The following DNMT3A variants were observed in gnomAD, a reference collection of about 807,000 sequenced individuals.
The protein encoded by DNMT3A is DNA methyltransferase 3 alpha.
A neutral mutation model predicts 117.6 loss-of-function variants in DNMT3A; 267 were observed. That is an observed-to-expected ratio of 2.27 (90% CI 2.05 to 2.51). DNMT3A has a LOEUF of 2.51. Ranked by LOEUF, DNMT3A falls within the 30% of genes most tolerant of loss-of-function variation. The pLI is 0.00. For missense variants in DNMT3A, 1,029 were observed against 1,260.2 expected (o/e 0.82, Z 2.78); for synonymous variants, 432 against 474.8 (o/e 0.91, Z 1.17).
chr2:25,307,000 C>T lies in DNMT3A; in HGVS notation c.73-6757G>A, dbSNP rs2033812504. On this transcript the variant is annotated intron_variant, in intron 2 of 22. Transcript: ENST00000321117. The surrounding 1 kb of genome is among the most constrained non-coding windows in gnomAD (Gnocchi z 4.1). ...AGAGGGGAAGATCCAGATAAAACTA[C>T]TTTGTAGCCGTGTGGCCTCTCTAAG... Among the ~76,000 whole-genome samples, 1 of 137,522 alleles carries T rather than the reference C, an allele frequency of 7.3e-6. No individual in the cohort carries two copies. Among genetic ancestry groups the T allele is most frequent in the Non-Finnish European group, 1.6e-5 (1 of 61,808 alleles). The allele number at this position is 137,522 out of a possible 152,430, so 90.2% of individuals were successfully genotyped here. A position where few individuals can be genotyped will look rare whatever the true frequency, so the allele number is the denominator to read the frequency against.
At chr2:25,243,176 G>A (rs1674286417) in intron 16 of DNMT3A, among the ~76,000 whole-genome samples, 1 of 151,948 alleles carries the variant, frequency 6.6e-6, no homozygotes, top group Non-Finnish European at 1.5e-5. Flanking sequence ...GTGGTGGTGG[G>A]TGCCTGCAGT....
At chr2:25,265,277 C>T (rs774364953) in intron 6 of DNMT3A, among the ~76,000 whole-genome samples, 1 of 152,194 alleles carries the variant, frequency 6.6e-6, no homozygotes, top group Admixed American at 6.5e-5. Context: ...GAAGAGCATG[C>T]GGCAGGCTGG....
chr2:25,324,765 A>G (rs548136695), intron 1 of DNMT3A, among the ~76,000 whole-genome samples: 1 of 152,166 alleles, frequency 6.6e-6, no homozygotes, highest in Admixed American at 6.5e-5. Flanking sequence ...GAGGAGGGAG[A>G]GGGAGGGGGG....
At chr2:25,245,397 GC>G in intron 12 of DNMT3A, 65 bp from the exon 13 acceptor site, 1 of 1,449,714 alleles carries the variant, frequency 6.9e-7, no homozygotes, top group Non-Finnish European at 9.5e-7. Context: ...CCGGGCCGGA[GC>G]CCAGCACCAG....
chr2:25,263,915 C>T (rs927668660), intron 6 of DNMT3A, among the ~76,000 whole-genome samples: 2 of 152,182 alleles, frequency 1.3e-5, no homozygotes, highest in African/African-American at 4.8e-5. Context: ...CAGTCCTTCC[C>T]TTAGTATTTC....
intron 9 of DNMT3A, 134 bp from the exon 10 acceptor site, chr2:25,246,910 G>T: frequency 1.3e-6 from 2 of 1,487,406 alleles, no homozygotes; most frequent in Middle Eastern, 4.1e-4. Flanking sequence ...GGAGCGGGAT[G>T]TGCATACGGG....
At chr2:25,338,261 C>G (rs1236927005) in intron 1 of DNMT3A, among the ~76,000 whole-genome samples, 2 of 152,234 alleles carry the variant, frequency 1.3e-5, no homozygotes, top group Non-Finnish European at 1.5e-5. Flanking sequence ...GCACTAAGAG[C>G]TCTCAGAGCT....
chr2:25,235,719 G>T lies in DNMT3A; in HGVS notation c.2585C>A (p.Thr862Asn). 1 of 1,613,742 alleles carries T rather than the reference G, an allele frequency of 6.2e-7. No homozygotes were observed. Among genetic ancestry groups the T allele is most frequent in the Non-Finnish European group, 8.5e-7 (1 of 1,179,736 alleles). Residue 862 changes from threonine to asparagine, a missense_variant, in exon 22 of 23, where the codon ACT becomes AAT. Transcript: ENST00000321117. ...ACAACCCGGGTACCTTTCCATTTCA[G>T]TGCACCATAAGATGTCCTCTTTCTC... ...MNEKEDILWC[T>N]EMERVFGFPV...
chr2:25,253,706 G>C (rs1037058998), intron 6 of DNMT3A, among the ~76,000 whole-genome samples: 1 of 152,254 alleles, frequency 6.6e-6, no homozygotes, highest in Non-Finnish European at 1.5e-5. Flanking sequence ...AGATGAATTA[G>C]AAGGAAGAAC....
At chr2:25,253,434 G>A (rs748477049) in intron 6 of DNMT3A, among the ~76,000 whole-genome samples, 8 of 152,184 alleles carry the variant, frequency 5.3e-5, no homozygotes, top group Non-Finnish European at 1.0e-4. Context: ...GAGGTCAGAG[G>A]TCAGTTCCAG....
At chr2:25,266,849 G>A (rs952851257) in intron 6 of DNMT3A, among the ~76,000 whole-genome samples, 1 of 152,186 alleles carries the variant, frequency 6.6e-6, no homozygotes, top group East Asian at 1.9e-4. Context: ...GCCCTTTTTA[G>A]AGGGCAGTTT....
rs2033665870 is a variant in DNMT3A at position 25,304,134 on chromosome 2, C to T, written c.73-3891G>A. On this transcript the variant is annotated intron_variant, in intron 2 of 22. Transcript: ENST00000321117. The surrounding 1 kb of genome is among the most constrained non-coding windows in gnomAD (Gnocchi z 4.3). ...TTTCCTCATCTGTCAAGCCAGGGGA[C>T]TGAATTCGTCCACACTTCCAGCGCA... Among the ~76,000 whole-genome samples, 1 of 152,082 alleles carries T rather than the reference C, an allele frequency of 6.6e-6. No individual in the cohort carries two copies. Among genetic ancestry groups the T allele is most frequent in the Admixed American group, 6.6e-5 (1 of 15,266 alleles).
chr2:25,260,237 C>T (rs540883925), intron 6 of DNMT3A, among the ~76,000 whole-genome samples: 1 of 152,322 alleles, frequency 6.6e-6, no homozygotes, highest in Non-Finnish European at 1.5e-5. Flanking sequence ...ATTTGGTTTA[C>T]CTCTAATCAT....
Position 25,252,257 on chromosome 2 carries a change from T to G in DNMT3A, c.640-4005A>C. ...GGTGTGAGCCGCGGCCCTGAAGCTC[T>G]GGAAGTAGCTGCCCGTCTTGGGGGA... is the stretch of plus-strand genomic sequence containing the variant. On this transcript the variant is annotated intron_variant, in intron 6 of 22. Transcript: ENST00000321117. The surrounding 1 kb of genome is among the most constrained non-coding windows in gnomAD (Gnocchi z 5.5). 1 of 1,387,704 alleles carries G rather than the reference T, an allele frequency of 7.2e-7. No individual in the cohort carries two copies. Among genetic ancestry groups the G allele is most frequent in the African/African-American group, 1.7e-5 (1 of 59,812 alleles). The allele number at this position is 1,387,704 out of a possible 1,614,324, so 86.0% of individuals were successfully genotyped here. A position where few individuals can be genotyped will look rare whatever the true frequency, so the allele number is the denominator to read the frequency against.
In DNMT3A at chr2:25,282,645, A is replaced by T; in HGVS notation, c.244T>A (p.Ser82Thr). Residue 82 changes from serine to threonine, a missense_variant, in exon 4 of 23, where the codon TCA becomes ACA. Transcript: ENST00000321117. The surrounding 1 kb of genome is among the most constrained non-coding windows in gnomAD (Gnocchi z 5.2). ...ISKSPSMAQDSGASELLPNGD... is the reference protein window; with the variant it reads ...ISKSPSMAQDTGASELLPNGD... ...TTGGGTAATAGCTCTGAGGCGCCTG[A>T]GTCCTGGGCCATGGATGGGGACTTG... The T allele has an allele frequency of 1.9e-6, 3 of 1,607,106 alleles. No homozygotes were observed. Among genetic ancestry groups the T allele is most frequent in the South Asian group, 2.2e-5 (2 of 90,218 alleles).
chr2:25,257,540 A>G lies in DNMT3A; in HGVS notation c.640-9288T>C, dbSNP rs1676263717. Among the ~76,000 whole-genome samples the G allele has an allele frequency of 6.6e-6, 1 of 152,168 alleles. No homozygotes were observed. The highest frequency in any genetic ancestry group is 2.1e-4 in the South Asian group (1 of 4,822). Reference sequence around the variant, plus strand: ...TCTTGGCTTAGCCGGCATGACCAGGAAACACCCGCTTCCTGACAAGACTAG... The same window carrying G: ...TCTTGGCTTAGCCGGCATGACCAGGGAACACCCGCTTCCTGACAAGACTAG... On this transcript the variant is annotated intron_variant, in intron 6 of 22. Coordinates refer to ENST00000321117, the MANE Select transcript of DNMT3A (RefSeq NM_022552.5). The surrounding 1 kb of genome is among the most constrained non-coding windows in gnomAD (Gnocchi z 4.8).
Position 25,293,281 on chromosome 2 carries a change from G to A in DNMT3A, c.177+6858C>T, listed in dbSNP as rs986473964. Among the ~76,000 whole-genome samples, 30 of 151,948 alleles carry A rather than the reference G, an allele frequency of 2.0e-4. No individual in the cohort carries two copies. The highest frequency in any genetic ancestry group is 3.1e-4 in the Non-Finnish European group (21 of 67,992). On this transcript the variant is annotated intron_variant, in intron 3 of 22. Coordinates refer to ENST00000321117, the MANE Select transcript of DNMT3A (RefSeq NM_022552.5). This position sits in a 1 kb window ranked among gnomAD's most constrained non-coding sequence, Gnocchi z 4.7. ...CCACAGGCCCTGGGACTTTGCTGGCGCCCCTGCCCCCTCCCCTCTCCCAGC... is the reference window on the plus strand; with the variant it reads ...CCACAGGCCCTGGGACTTTGCTGGCACCCCTGCCCCCTCCCCTCTCCCAGC...
At chr2:25,292,902 C>T (rs1573442693) in intron 3 of DNMT3A, among the ~76,000 whole-genome samples, 1 of 152,076 alleles carries the variant, frequency 6.6e-6, no homozygotes, top group East Asian at 1.9e-4. Context: ...TAGAAAAGCT[C>T]ATGGGGCCCC....
chr2:25,300,650 TATCTAAATA>T lies in DNMT3A; in HGVS notation c.73-416_73-408del, dbSNP rs59244989. ...ATATCTAAATAATATATTATTTAGA[TATCTAAATA>T]ATATATTATTTAGATATATATTTAG... On this transcript the variant is annotated intron_variant, in intron 2 of 22. Coordinates refer to ENST00000321117, the MANE Select transcript of DNMT3A (RefSeq NM_022552.5). Among the ~76,000 whole-genome samples, 91 of 77,934 alleles carry T rather than the reference TATCTAAATA, an allele frequency of 1.2e-3. 3 individuals carry two copies. The highest frequency in any genetic ancestry group is 3.7e-3 in the African/African-American group (84 of 22,900). 51.1% of individuals were successfully genotyped at this position (77,934 alleles called of 152,430 possible).
Sources: gnomAD v4.1 joint callset for allele counts (sites outside exome capture counted in the v4.1 genomes callset) on GRCh38, gnomAD v4.1.1 for gene constraint, Gnocchi (gnomAD v3.1) non-coding constraint, MANE v1.5 for transcripts, NCBI Gene and HGNC (gene_info 2026-07-23, HGNC 2026-07-21) for gene names.